The following CKMT2 variants were observed in gnomAD, a reference collection of about 807,000 sequenced individuals.
The protein encoded by CKMT2 is creatine kinase S-type, mitochondrial.
CKMT2 carries 43 observed loss-of-function variants against 48.9 expected under a neutral mutation model. The observed-to-expected ratio is 0.88, with a 90% CI of 0.69 to 1.13. The LOEUF is 1.13. Among genes scored for constraint, CKMT2 ranks in the 50% most tolerant of loss-of-function variants. The pLI, the probability that CKMT2 is intolerant of heterozygous loss-of-function variation, is 0.00. For synonymous variants in CKMT2, 206 were observed against 213.0 expected (o/e 0.97, Z 0.29); for missense variants, 472 against 555.4 (o/e 0.85, Z 1.51).
intron 1 of CKMT2, among the ~76,000 whole-genome samples, chr5:81,247,607 T>TGCAA (rs1307319855): frequency 1.2e-4 from 18 of 152,162 alleles, no homozygotes; most frequent in Non-Finnish European, 1.2e-4. Flanking sequence ...GTGATTTCAT[T>TGCAA]GCAAGCCTTG....
intron 1 of CKMT2, among the ~76,000 whole-genome samples, chr5:81,248,077 C>G (rs1756672653): frequency 6.6e-6 from 1 of 152,228 alleles, no homozygotes; most frequent in Non-Finnish European, 1.5e-5. Context: ...ATCACCCTTA[C>G]AGGGAGGAAG....
At chr5:81,250,940 A>AACACACACACACAC (rs142418532) in intron 1 of CKMT2, among the ~76,000 whole-genome samples, 173 bp from the exon 2 acceptor site, 5,302 of 132,962 alleles carry the variant, frequency 0.04, 152 homozygotes, top group African/African-American at 0.051. Context: ...AGAAATAGAA[A>AACACACACACACAC]ACACACACAC....
At chr5:81,252,564 G>A (rs1756855090) in intron 2 of CKMT2, 131 bp from the exon 3 acceptor site, 3 of 885,648 alleles carry the variant, frequency 3.4e-6, no homozygotes, top group Non-Finnish European at 5.4e-6. Context: ...CTCCTAGGCA[G>A]TTCTAGCCAA....
chr5:81,237,190 A>G (rs1198278180), intron 1 of CKMT2, among the ~76,000 whole-genome samples: 5 of 152,320 alleles, frequency 3.3e-5, no homozygotes, highest in African/African-American at 9.6e-5. Context: ...GTAAGTTAAA[A>G]TCAAAAAGCA....
At chr5:81,257,095 T>A in intron 6 of CKMT2, 95 bp downstream of exon 6, 3 of 929,596 alleles carry the variant, frequency 3.2e-6, no homozygotes, top group Non-Finnish European at 5.1e-6. Flanking sequence ...GTACTGCAGT[T>A]GACAGCATGC....
intron 1 of CKMT2, among the ~76,000 whole-genome samples, chr5:81,249,326 G>A (rs1047083613): frequency 6.6e-6 from 1 of 151,980 alleles, no homozygotes; most frequent in Non-Finnish European, 1.5e-5. Flanking sequence ...CAAGTGATCC[G>A]CCCACCTTTG....
rs2112829262 is a variant in CKMT2, at chr5:81,263,622, GTC to G, written c.1140+13_1140+14del. The G allele has an allele frequency of 6.2e-7, 1 of 1,608,162 alleles. No homozygotes were observed. Among genetic ancestry groups the G allele is most frequent in the Non-Finnish European group, 8.5e-7 (1 of 1,176,248 alleles). ...ATAGAATTGGTCGATCAGAGGTAAC[GTC>G]TCTCTCACTTTCCTAACATGAACTA... On this transcript the variant is annotated splice_region_variant and intron_variant, in intron 9 of 9. Transcript: ENST00000254035.
intron 1 of CKMT2, chr5:81,239,056 G>T (rs1478793309): frequency 6.6e-6 from 1 of 152,122 alleles, no homozygotes; most frequent in African/African-American, 2.4e-5. Context: ...GAGCTTCCAG[G>T]CTTAGCTCTC....
At chr5:81,250,958 C>T (rs1756785816) in intron 1 of CKMT2, among the ~76,000 whole-genome samples, 155 bp from the exon 2 acceptor site, 1 of 150,084 alleles carries the variant, frequency 6.7e-6, no homozygotes, top group Non-Finnish European at 1.5e-5. Context: ...CACACACACA[C>T]ACACACACAC....
rs534145284 is a variant in CKMT2, at chr5:81,265,379, G to A, written c.1141-760G>A. ...CAGCTGGAGTATGTGATGCCTGAGA[G>A]CTAACATTCAATGGTCCCTTCCATC... On this transcript the variant is annotated intron_variant, in intron 9 of 9. Transcript: ENST00000254035. Among the ~76,000 whole-genome samples, 40 of 152,310 alleles carry A rather than the reference G, an allele frequency of 2.6e-4. 1 individual carries two copies. The highest frequency in any genetic ancestry group is 2.4e-3 in the Admixed American group (37 of 15,298).
chr5:81,234,361 T>C (rs1038765174), intron 1 of CKMT2, among the ~76,000 whole-genome samples: 3 of 152,130 alleles, frequency 2.0e-5, no homozygotes, highest in African/African-American at 7.2e-5. Flanking sequence ...TACACCAGTG[T>C]GCTGTTTCCA....
chr5:81,236,920 C>G (rs1756261519), intron 1 of CKMT2, among the ~76,000 whole-genome samples: 1 of 152,156 alleles, frequency 6.6e-6, no homozygotes, highest in African/African-American at 2.4e-5. Flanking sequence ...GAGGCTGAGG[C>G]AGGTGGATCA....
At chr5:81,247,272 C>T (rs1320210585) in intron 1 of CKMT2, among the ~76,000 whole-genome samples, 1 of 152,186 alleles carries the variant, frequency 6.6e-6, no homozygotes, top group Non-Finnish European at 1.5e-5. Flanking sequence ...AAACTTTTGT[C>T]CTAATGGTTT....
chr5:81,264,084 C>T (rs1757318727), intron 9 of CKMT2, among the ~76,000 whole-genome samples: 1 of 152,162 alleles, frequency 6.6e-6, no homozygotes, highest in African/African-American at 2.4e-5. Flanking sequence ...GGTTTCTAAA[C>T]TTTTATTTCT....
At chr5:81,258,641 T>G (rs1320717930) in intron 7 of CKMT2, among the ~76,000 whole-genome samples, 5 of 152,102 alleles carry the variant, frequency 3.3e-5, no homozygotes, top group Non-Finnish European at 5.9e-5. Context: ...AGGTGAGTGG[T>G]GGGTAAGCCA....
intron 7 of CKMT2, 47 bp downstream of exon 7, chr5:81,257,903 C>T: frequency 1.3e-6 from 2 of 1,561,090 alleles, no homozygotes; most frequent in South Asian, 2.3e-5. Flanking sequence ...AATAAAATTA[C>T]CGTATTGTTT....
At chr5:81,257,889 TTAAAA>T in intron 7 of CKMT2, 33 bp downstream of exon 7, 12 of 1,588,444 alleles carry the variant, frequency 7.6e-6, no homozygotes, top group Non-Finnish European at 1.0e-5. Flanking sequence ...TGGATATTTA[TTAAAA>T]TAAAATTACC....
chr5:81,250,468 T>C (rs1006807229), intron 1 of CKMT2, among the ~76,000 whole-genome samples: 4 of 152,246 alleles, frequency 2.6e-5, no homozygotes, highest in African/African-American at 7.2e-5. Flanking sequence ...TGGGAGTTCA[T>C]TGTTTCATCT....
chr5:81,263,374 T>C (rs1580460338), intron 8 of CKMT2, 117 bp from the exon 9 acceptor site: 1 of 257,540 alleles, frequency 3.9e-6, no homozygotes, highest in African/African-American at 2.3e-5. Context: ...ATATTTATTA[T>C]ATATATAAAA....
Sources: gnomAD v4.1 joint callset for allele counts (sites outside exome capture counted in the v4.1 genomes callset) on GRCh38, gnomAD v4.1.1 for gene constraint, MANE v1.5 for transcripts, NCBI Gene and HGNC (gene_info 2026-07-23, HGNC 2026-07-21) for gene names.